Variants in EIF2A observed in about 807,000 individuals in gnomAD.
EIF2A encodes eukaryotic translation initiation factor 2A.
In EIF2A, 62 loss-of-function variants were observed where a neutral mutation model predicts 75.2. The ratio of observed to expected loss-of-function variants is 0.82; its 90% CI spans 0.67 to 1.02. The LOEUF is 1.02. EIF2A is among the 50% of genes least tolerant of loss of function. The probability of loss-of-function intolerance (pLI) is 0.00; values close to 1 mark genes in which losing one functional copy is unlikely to be tolerated. For missense variants in EIF2A, 611 were observed against 677.7 expected (o/e 0.90, Z 1.09); for synonymous variants, 207 against 239.0 (o/e 0.87, Z 1.23).
rs578091846 is a variant in EIF2A at position 150,578,602 on chromosome 3, C to T, written c.1497+2840C>T. 1.6e-4 allele frequency among the ~76,000 whole-genome samples: 24 copies of T among 152,120 alleles called. 1 individual carries two copies. In the South Asian group the frequency reaches 3.5e-3, roughly 22 times the overall value. ...CCAATACAGTCATCAAGCACCTACA[C>T]ACGTTTTTTACTAAAGATGATACCA... On this transcript the variant is annotated intron_variant, in intron 11 of 13. Coordinates refer to ENST00000460851, the MANE Select transcript of EIF2A (RefSeq NM_032025.5).
intron 1 of EIF2A, 148 bp downstream of exon 1, chr3:150,546,978 A>C (rs1723066114): frequency 9.4e-7 from 1 of 1,064,198 alleles, no homozygotes; most frequent in Admixed American, 2.6e-5. Context: ...CTTTCTTGAT[A>C]TAGCGTGGCA....
intron 2 of EIF2A, among the ~76,000 whole-genome samples, chr3:150,554,213 C>T (rs918736478): frequency 2.0e-5 from 3 of 151,642 alleles, no homozygotes; most frequent in Admixed American, 1.3e-4. Flanking sequence ...AATGCTCCCC[C>T]GAAAAATCCC....
At chr3:150,581,451 G>A (rs1347884377) in intron 11 of EIF2A, among the ~76,000 whole-genome samples, 167 bp from the exon 12 acceptor site, 13 of 152,058 alleles carry the variant, frequency 8.5e-5, no homozygotes, top group Non-Finnish European at 1.8e-4. Flanking sequence ...TTTCTAACAT[G>A]GGAGTATGTA....
intron 2 of EIF2A, among the ~76,000 whole-genome samples, chr3:150,556,763 A>T (rs970697856): frequency 1.3e-5 from 2 of 152,204 alleles, no homozygotes; most frequent in African/African-American, 4.8e-5. Flanking sequence ...AAAATTTCCC[A>T]ATTGCCAAGA....
chr3:150,579,096 CATG>C (rs1328738244), intron 11 of EIF2A, among the ~76,000 whole-genome samples: 3 of 152,102 alleles, frequency 2.0e-5, no homozygotes, highest in African/African-American at 4.8e-5. Flanking sequence ...TGGTTTTTCA[CATG>C]ATAAGATTAA....
intron 6 of EIF2A, 52 bp from the exon 7 acceptor site, chr3:150,567,641 T>C (rs925982163): frequency 7.2e-5 from 88 of 1,228,126 alleles, no homozygotes; most frequent in Non-Finnish European, 9.2e-5. Flanking sequence ...GAGTTTAACA[T>C]GTTCCTTTTA....
At chr3:150,564,063 C>T (rs1160840391) in intron 5 of EIF2A, among the ~76,000 whole-genome samples, 1 of 152,172 alleles carries the variant, frequency 6.6e-6, no homozygotes, top group Non-Finnish European at 1.5e-5. Context: ...AGGTGATCCA[C>T]CTGCCTTGGC....
At chr3:150,563,676 ATAT>A in intron 5 of EIF2A, 62 bp downstream of exon 5, 1 of 1,201,662 alleles carries the variant, frequency 8.3e-7, no homozygotes, top group South Asian at 1.6e-5. Flanking sequence ...TCACTGTATA[ATAT>A]TTGTTTTCCT....
chr3:150,556,158 A>G (rs1723553351), intron 2 of EIF2A, among the ~76,000 whole-genome samples: 1 of 152,172 alleles, frequency 6.6e-6, no homozygotes, highest in South Asian at 2.1e-4. Flanking sequence ...TTCATTGAAT[A>G]GTTGAGGCGT....
chr3:150,555,895 AGC>A lies in EIF2A; in HGVS notation c.99-2492_99-2491del, dbSNP rs1229025985. Among the ~76,000 whole-genome samples, 16 of 152,170 alleles carry A rather than the reference AGC, an allele frequency of 1.1e-4. 1 individual carries two copies. The highest frequency in any genetic ancestry group is 1.5e-5 in the Non-Finnish European group (1 of 68,020). On this transcript the variant is annotated intron_variant, in intron 2 of 13. Coordinates refer to ENST00000460851, the MANE Select transcript of EIF2A (RefSeq NM_032025.5). The stretch of plus-strand genomic sequence containing the variant: ...AGGTGACCACAAATCCACAAAATAT[AGC>A]CAACTTGCTTGGTCATGTGTGCAAA...
rs760427594 is a variant in EIF2A, at chr3:150,562,497, T to C, written c.174-45T>C. The C allele has an allele frequency of 5.6e-6, 8 of 1,438,622 alleles. 1 individual carries two copies. In the East Asian group the frequency reaches 1.4e-4, roughly 26 times the overall value. 89.1% of individuals were successfully genotyped at this position (1,438,622 alleles called of 1,614,324 possible). On this transcript the variant is annotated intron_variant, in intron 3 of 13. Transcript: ENST00000460851. ...GAATGTTTTGGTTAGTGTTGACTAC[T>C]ATAAAACAGTATTTCATTGCTGAAA...
chr3:150,575,408 C>G (rs748941807), intron 10 of EIF2A, among the ~76,000 whole-genome samples: 1 of 152,102 alleles, frequency 6.6e-6, no homozygotes, highest in Non-Finnish European at 1.5e-5. Context: ...TTGAACAAAA[C>G]TAAAGTGAAT....
chr3:150,565,788 CT>C lies in EIF2A; in HGVS notation c.475+1431del, dbSNP rs35195705. On this transcript the variant is annotated intron_variant, in intron 6 of 13. Transcript: ENST00000460851. ...GCCCAGGCTGTTTTTTAGTTCCATT[CT>C]TTTTTTTTTTTTTTTTTTTTTTTGA... is the stretch of plus-strand genomic sequence containing the variant. The C allele has an allele frequency of 3.8e-3, 266 of 69,468 alleles. 1 individual carries two copies. Among genetic ancestry groups the C allele is most frequent in the African/African-American group, 0.013 (228 of 17,968 alleles). 4.3% of individuals were successfully genotyped at this position (69,468 alleles called of 1,614,324 possible).
chr3:150,580,008 G>A (rs1287615465), intron 11 of EIF2A, among the ~76,000 whole-genome samples: 2 of 152,070 alleles, frequency 1.3e-5, no homozygotes, highest in African/African-American at 2.4e-5. Flanking sequence ...TAATTATAAA[G>A]GAAGAGTCAT....
chr3:150,552,349 T>C lies in EIF2A; in HGVS notation c.29-7T>C. ...TAATTGTGGTTCTTTTTATTTTACT[T>C]CTTTAGTCCGAGGATCAGAAGGACT... On this transcript the variant is annotated splice_polypyrimidine_tract_variant and splice_region_variant and intron_variant, in intron 1 of 13. Transcript: ENST00000460851. The C allele has an allele frequency of 1.3e-6, 2 of 1,548,780 alleles. No homozygotes were observed. Among genetic ancestry groups the C allele is most frequent in the Non-Finnish European group, 1.7e-6 (2 of 1,146,108 alleles).
intron 6 of EIF2A, among the ~76,000 whole-genome samples, chr3:150,565,567 T>C (rs980639080): frequency 6.6e-6 from 1 of 152,124 alleles, no homozygotes; most frequent in African/African-American, 2.4e-5. Context: ...AATTAGCTTT[T>C]TCCCCATTCT....
At chr3:150,548,526 C>A (rs1360953274) in intron 1 of EIF2A, among the ~76,000 whole-genome samples, 1 of 152,118 alleles carries the variant, frequency 6.6e-6, no homozygotes, top group Admixed American at 6.5e-5. Flanking sequence ...ATCAGGGGTC[C>A]CCAACCCCCT....
intron 12 of EIF2A, 111 bp downstream of exon 12, chr3:150,581,857 G>C: frequency 7.8e-7 from 1 of 1,278,666 alleles, no homozygotes; most frequent in East Asian, 2.5e-5. Context: ...GGTATCAGCA[G>C]TTCTCATTGT....
chr3:150,556,897 C>T (rs1449154018), intron 2 of EIF2A, among the ~76,000 whole-genome samples: 1 of 152,082 alleles, frequency 6.6e-6, no homozygotes, highest in Non-Finnish European at 1.5e-5. Flanking sequence ...TATCTCGTTT[C>T]CTTTCTGGGT....
Sources: gnomAD v4.1 joint callset for allele counts (sites outside exome capture counted in the v4.1 genomes callset) on GRCh38, gnomAD v4.1.1 for gene constraint, MANE v1.5 for transcripts, NCBI Gene and HGNC (gene_info 2026-07-23, HGNC 2026-07-21) for gene names.